AFTPH: variants seen among roughly 807,000 people sequenced by gnomAD.
AFTPH encodes aftiphilin.
Under a neutral mutation model 72.5 loss-of-function variants are expected in AFTPH, and 7 were observed. The observed-to-expected ratio is 0.10, with a 90% CI of 0.05 to 0.18. AFTPH has a LOEUF of 0.18. AFTPH is among the 10% of genes least tolerant of loss of function. AFTPH has a pLI of 1.00. For synonymous variants in AFTPH, 337 were observed against 370.1 expected (o/e 0.91, Z 1.03); for missense variants, 979 against 1,060.5 (o/e 0.92, Z 1.07).
At chr2:64,581,009 C>A in intron 7 of AFTPH, 181 bp from the exon 8 acceptor site, 1 of 421,136 alleles carries the variant, frequency 2.4e-6, no homozygotes, top group Non-Finnish European at 4.3e-6. Context: ...TAGAAATGTC[C>A]TTAGTAATGA....
rs558011249 is a variant in AFTPH at position 64,571,928 on chromosome 2, A to G, written c.2272-1018A>G. On this transcript the variant is annotated intron_variant, in intron 5 of 8. Coordinates refer to ENST00000238856, the Ensembl canonical transcript of AFTPH. ...CATCTATTTTTCTTACTCAAAAAGC[A>G]TATTAGGCCGGGCGTGGTGGCTCAC... 1.4e-4 allele frequency among the ~76,000 whole-genome samples: 21 copies of G among 152,232 alleles called. No individual in the cohort carries two copies. In the South Asian group the frequency reaches 1.7e-3, roughly 12 times the overall value.
intron 1 of AFTPH, among the ~76,000 whole-genome samples, chr2:64,528,380 T>A (rs1244958350): frequency 6.6e-6 from 1 of 152,140 alleles, no homozygotes; most frequent in African/African-American, 2.4e-5. Flanking sequence ...AGAAAAAAAA[T>A]CTGCCCTCCT....
intron 6 of AFTPH, among the ~76,000 whole-genome samples, chr2:64,575,754 TTG>T (rs199863733): frequency 0.36 from 52,841 of 148,654 alleles, 9,565 homozygotes; most frequent in South Asian, 0.4. Flanking sequence ...TATATTTTTT[TTG>T]GAGGTAGAGT....
At position 64,552,978 on chromosome 2, in the gene AFTPH, C is replaced by T; in HGVS notation, c.1504C>T (p.Gln502Ter). Residue 502 changes from glutamine (Q) to a stop codon, truncating the protein, a stop_gained, in exon 2 of 9, where the codon CAG becomes TAG. Coordinates refer to ENST00000238856, the Ensembl canonical transcript of AFTPH. LOFTEE classifies it high-confidence loss of function. ...AATATTAACAAAGTCAGACCTAAAA[C>T]AGACTTCTGATAATTTATCAGAAGA... is the stretch of plus-strand genomic sequence containing the variant. The T allele has an allele frequency of 6.2e-7, 1 of 1,614,138 alleles. No homozygotes were observed. The highest frequency in any genetic ancestry group is 8.5e-7 in the Non-Finnish European group (1 of 1,180,018).
At chr2:64,580,038 AAAAT>A (rs552114313) in intron 7 of AFTPH, 1 of 152,816 alleles carries the variant, frequency 6.5e-6, no homozygotes, top group Non-Finnish European at 1.5e-5. Context: ...ATGCAAATAG[AAAAT>A]AAATTTCACG....
At chr2:64,584,813 G>T (rs1202126922) in intron 7 of AFTPH, among the ~76,000 whole-genome samples, 1 of 152,076 alleles carries the variant, frequency 6.6e-6, no homozygotes, top group African/African-American at 2.4e-5. Context: ...AGCCAGGACG[G>T]TCTTGATCTC....
At chr2:64,548,407 GAAAAAAAAAAAAAAAAA>G (rs57995634) in intron 1 of AFTPH, among the ~76,000 whole-genome samples, 1 of 59,970 alleles carries the variant, frequency 1.7e-5, no homozygotes, top group African/African-American at 6.1e-5. Flanking sequence ...CTCAAAAAAA[GAAAAAAAAAAAAAAAAA>G]AAAAAAAAAA....
exon 2 of AFTPH, chr2:64,552,660 C>G: frequency 6.2e-7 from 1 of 1,614,106 alleles, no homozygotes; most frequent in Non-Finnish European, 8.5e-7. Context: ...TTTCCAAAGC[C>G]CAAACATTGA....
At chr2:64,553,294 G>T (rs1460927114) in exon 2 of AFTPH, 3 of 1,614,078 alleles carry the variant, frequency 1.9e-6, no homozygotes, top group East Asian at 4.5e-5. Flanking sequence ...CAGTCACATA[G>T]GACAGATGAA....
chr2:64,565,507 C>G (rs1338594462), intron 2 of AFTPH, among the ~76,000 whole-genome samples: 1 of 144,036 alleles, frequency 6.9e-6, no homozygotes, highest in Non-Finnish European at 1.5e-5. Context: ...TTTGTTCATT[C>G]TATTAGTTGC....
chr2:64,538,487 G>T (rs1166500758), intron 1 of AFTPH, among the ~76,000 whole-genome samples: 2 of 152,178 alleles, frequency 1.3e-5, no homozygotes, highest in East Asian at 3.8e-4. Flanking sequence ...ATTTTGGAAT[G>T]TGTTTATATT....
chr2:64,583,983 A>G (rs1205412264), intron 7 of AFTPH, among the ~76,000 whole-genome samples: 2 of 152,104 alleles, frequency 1.3e-5, no homozygotes, highest in Admixed American at 1.3e-4. Flanking sequence ...GTTAATCTAA[A>G]TATATGCATT....
At chr2:64,585,664 G>C (rs1196918122) in intron 8 of AFTPH, 119 bp downstream of exon 9, 1 of 1,101,188 alleles carries the variant, frequency 9.1e-7, no homozygotes, top group African/African-American at 1.6e-5. Context: ...CTTTATAAAA[G>C]TCAGTCGATG....
exon 9 of AFTPH, chr2:64,591,957 A>T: frequency 1.2e-6 from 2 of 1,614,020 alleles, no homozygotes; most frequent in Non-Finnish European, 1.7e-6. Context: ...CTGACTTAAC[A>T]TTCATGCATG....
intron 1 of AFTPH, among the ~76,000 whole-genome samples, chr2:64,526,601 G>A (rs920985449): frequency 2.0e-5 from 3 of 152,024 alleles, no homozygotes; most frequent in African/African-American, 7.3e-5. Flanking sequence ...CTTTCTAGCC[G>A]GAACTTTATA....
At chr2:64,587,987 C>T (rs909393236) in intron 8 of AFTPH, among the ~76,000 whole-genome samples, 1 of 152,114 alleles carries the variant, frequency 6.6e-6, no homozygotes, top group Non-Finnish European at 1.5e-5. Context: ...ATAATTCATT[C>T]AGGTGTTCAA....
At chr2:64,591,907 C>T (rs778732007) in exon 9 of AFTPH, 2 of 1,613,858 alleles carry the variant, frequency 1.2e-6, no homozygotes, top group Non-Finnish European at 1.7e-6. Flanking sequence ...AAGAGAAGAG[C>T]ACCTAAGTGA....
chr2:64,583,844 C>T (rs551333203), intron 7 of AFTPH, among the ~76,000 whole-genome samples: 142 of 152,052 alleles, frequency 9.3e-4, no homozygotes, highest in Non-Finnish European at 1.1e-3. Context: ...CTGTGGAAGT[C>T]GCTTTTGCTT....
At chr2:64,562,999 C>T (rs1671830996) in intron 2 of AFTPH, among the ~76,000 whole-genome samples, 1 of 152,200 alleles carries the variant, frequency 6.6e-6, no homozygotes, top group Non-Finnish European at 1.5e-5. Flanking sequence ...GTAAATGTCA[C>T]TGTTTGATGC....
Sources: gnomAD v4.1 joint callset for allele counts (sites outside exome capture counted in the v4.1 genomes callset) on GRCh38, gnomAD v4.1.1 for gene constraint, MANE v1.5 for transcripts, NCBI Gene and HGNC (gene_info 2026-07-23, HGNC 2026-07-21) for gene names.